Variants in RERE observed in about 807,000 individuals in gnomAD.
RERE encodes the protein arginine-glutamic acid dipeptide repeats, also known as arginine-glutamic acid dipeptide repeats protein.
Under a neutral mutation model 146.1 loss-of-function variants are expected in RERE, and 40 were observed. The observed-to-expected ratio is 0.27, with a 90% confidence interval of 0.21 to 0.36. RERE has a LOEUF of 0.36. Ranked by LOEUF, RERE falls within the 10% of genes least tolerant of loss-of-function variation. The probability of loss-of-function intolerance (pLI) is 1.00; values close to 1 mark genes in which losing one functional copy is unlikely to be tolerated. For synonymous variants in RERE, 1,003 were observed against 866.0 expected (o/e 1.16, Z -2.78); for missense variants, 1,933 against 2,138.7 (o/e 0.90, Z 1.90).
intron 1 of RERE, among the ~76,000 whole-genome samples, chr1:8,810,466 T>C (rs1641784668): frequency 6.6e-6 from 1 of 151,988 alleles, no homozygotes; most frequent in African/African-American, 2.4e-5. Flanking sequence ...ATTAGCTAGG[T>C]GTGATGGTGC....
chr1:8,512,257 T>G (rs1314779744), intron 7 of RERE, among the ~76,000 whole-genome samples: 3 of 150,802 alleles, frequency 2.0e-5, no homozygotes, highest in African/African-American at 7.3e-5. Flanking sequence ...ATGGTCTCGA[T>G]CTCCTGACCT....
intron 18 of RERE, 51 bp from the exon 19 acceptor site, chr1:8,360,037 G>A (rs753297425): frequency 6.6e-7 from 1 of 1,506,062 alleles, no homozygotes; most frequent in East Asian, 2.3e-5. Context: ...ACCCACCCCG[G>A]CCCTCCCTCC....
chr1:8,809,387 G>T (rs1285447197), intron 1 of RERE, among the ~76,000 whole-genome samples: 1 of 152,072 alleles, frequency 6.6e-6, no homozygotes, highest in African/African-American at 2.4e-5. Flanking sequence ...ATCTCTGTTG[G>T]CTGTAGCTAA....
intron 4 of RERE, among the ~76,000 whole-genome samples, chr1:8,570,810 G>A (rs1482882888): frequency 6.6e-6 from 1 of 152,126 alleles, no homozygotes; most frequent in African/African-American, 2.4e-5. Context: ...GTATGCTCCC[G>A]AAACAGCACA....
chr1:8,432,965 T>C (rs1644115225), intron 11 of RERE, among the ~76,000 whole-genome samples: 2 of 152,224 alleles, frequency 1.3e-5, no homozygotes, highest in Non-Finnish European at 2.9e-5. Context: ...CTTCTTAAGA[T>C]ACTTTAAAGG....
rs1570480539 is a variant in RERE, at chr1:8,593,354, T to G, written c.522+21207A>C. 2.0e-5 allele frequency among the ~76,000 whole-genome samples: 3 copies of G among 151,938 alleles called. 1 individual carries two copies. The South Asian group carries it at 6.2e-4, about 32-fold the overall frequency. On this transcript the variant is annotated intron_variant, in intron 4 of 22. Coordinates refer to ENST00000400908, the MANE Select transcript of RERE (RefSeq NM_001042681.2). ...GTTGTGGGAAAGAGCCAGTGGGAGG[T>G]GACTGAATCATGGGGGTGGGTCTTT...
intron 1 of RERE, among the ~76,000 whole-genome samples, chr1:8,706,542 T>C (rs1482050945): frequency 6.6e-6 from 1 of 152,218 alleles, no homozygotes; most frequent in East Asian, 1.9e-4. Context: ...GGACTAAATC[T>C]TGTATACACA....
At chr1:8,813,993 T>C (rs1641864283) in intron 1 of RERE, among the ~76,000 whole-genome samples, 1 of 152,246 alleles carries the variant, frequency 6.6e-6, no homozygotes, top group Admixed American at 6.5e-5. Flanking sequence ...ATTTTATTTC[T>C]TGATTTGGAT....
chr1:8,609,329 C>G (rs1164030849), intron 4 of RERE, among the ~76,000 whole-genome samples: 2 of 152,140 alleles, frequency 1.3e-5, no homozygotes, highest in Non-Finnish European at 2.9e-5. Flanking sequence ...TCTCTGATGC[C>G]AGTAGCAGTC....
intron 1 of RERE, among the ~76,000 whole-genome samples, chr1:8,754,846 G>C (rs1640605772): frequency 6.6e-6 from 1 of 152,172 alleles, no homozygotes; most frequent in Non-Finnish European, 1.5e-5. Flanking sequence ...ATGATTAGTA[G>C]CAGGTATAGA....
chr1:8,607,361 C>CAAA (rs1646728871), intron 4 of RERE, among the ~76,000 whole-genome samples: 2 of 136,456 alleles, frequency 1.5e-5, no homozygotes, highest in African/African-American at 5.9e-5. Flanking sequence ...TACCCTGTCT[C>CAAA]CAAAAAAAAA....
At chr1:8,712,365 C>T (rs748657971) in intron 1 of RERE, among the ~76,000 whole-genome samples, 1 of 152,332 alleles carries the variant, frequency 6.6e-6, no homozygotes, top group African/African-American at 2.4e-5. Context: ...TAACTTCTAA[C>T]GTTTACATCA....
At chr1:8,433,722 G>A (rs550688146) in intron 11 of RERE, among the ~76,000 whole-genome samples, 1 of 151,460 alleles carries the variant, frequency 6.6e-6, no homozygotes, top group Non-Finnish European at 1.5e-5. Flanking sequence ...CACCGCGCCC[G>A]GCTAATTTTT....
intron 1 of RERE, among the ~76,000 whole-genome samples, chr1:8,745,872 C>A (rs1186173957): frequency 1.3e-5 from 2 of 152,164 alleles, no homozygotes; most frequent in African/African-American, 2.4e-5. Context: ...GAATTCAAGA[C>A]CAGCCTAGGC....
chr1:8,527,052 A>C (rs1321443105), intron 7 of RERE, among the ~76,000 whole-genome samples: 1 of 152,240 alleles, frequency 6.6e-6, no homozygotes, highest in Non-Finnish European at 1.5e-5. Flanking sequence ...TGTTGAAAAG[A>C]ACACACAGTG....
intron 1 of RERE, among the ~76,000 whole-genome samples, chr1:8,735,020 T>C (rs1367507140): frequency 6.6e-6 from 1 of 152,256 alleles, no homozygotes; most frequent in Non-Finnish European, 1.5e-5. Flanking sequence ...TAATACTTGA[T>C]ACTTATTGTG....
intron 10 of RERE, among the ~76,000 whole-genome samples, chr1:8,468,233 ACT>A (rs1385154727): frequency 2.0e-5 from 3 of 152,034 alleles, no homozygotes; most frequent in Non-Finnish European, 4.4e-5. Context: ...TTACCATTAG[ACT>A]CTTTTAAAAA....
intron 1 of RERE, among the ~76,000 whole-genome samples, chr1:8,693,181 T>C (rs760108500): frequency 2.0e-5 from 3 of 152,214 alleles, no homozygotes; most frequent in Non-Finnish European, 4.4e-5. Context: ...CAAGACAGCA[T>C]GGCCGTTTCT....
chr1:8,486,755 T>TAAAAAAAAAAAAAAAAA (rs33956517), intron 10 of RERE, among the ~76,000 whole-genome samples: 3 of 122,322 alleles, frequency 2.5e-5, no homozygotes, highest in Non-Finnish European at 3.3e-5. Flanking sequence ...GAGTCCATCT[T>TAAAAAAAAAAAAAAAAA]AAAAAAAAAA....
Sources: gnomAD v4.1 joint callset for allele counts (sites outside exome capture counted in the v4.1 genomes callset) on GRCh38, gnomAD v4.1.1 for gene constraint, MANE v1.5 for transcripts, NCBI Gene and HGNC (gene_info 2026-07-23, HGNC 2026-07-21) for gene names.